ARHGAP21: variants seen among roughly 807,000 people sequenced by gnomAD.
The protein encoded by ARHGAP21 is rho GTPase-activating protein 21.
Under a neutral mutation model 164.6 loss-of-function variants are expected in ARHGAP21, and 38 were observed. The ratio of observed to expected loss-of-function variants is 0.23; its 90% CI spans 0.18 to 0.30. The LOEUF is 0.30. ARHGAP21 is among the 10% of genes least tolerant of loss of function. ARHGAP21 has a pLI of 1.00. For synonymous variants in ARHGAP21, 766 were observed against 857.9 expected (o/e 0.89, Z 1.87); for missense variants, 1,822 against 2,370.7 (o/e 0.77, Z 4.81).
chr10:24,622,023 T>G (rs887844717), intron 8 of ARHGAP21, among the ~76,000 whole-genome samples: 4 of 152,200 alleles, frequency 2.6e-5, no homozygotes, highest in African/African-American at 9.6e-5. Context: ...GTTCTGTATA[T>G]AATTTATATT....
intron 4 of ARHGAP21, among the ~76,000 whole-genome samples, chr10:24,664,006 C>A (rs533924412): frequency 6.6e-6 from 1 of 152,326 alleles, no homozygotes; most frequent in Non-Finnish European, 1.5e-5. Flanking sequence ...CTGAGAAGCG[C>A]TTTAAGCTGA....
At chr10:24,605,705 C>A (rs2076995112) in intron 11 of ARHGAP21, 1 of 152,044 alleles carries the variant, frequency 6.6e-6, no homozygotes, top group South Asian at 2.1e-4. Context: ...TGTGAGTACT[C>A]CCCAAGTTAA....
At chr10:24,701,207 C>T (rs1843641167) in intron 2 of ARHGAP21, among the ~76,000 whole-genome samples, 1 of 152,134 alleles carries the variant, frequency 6.6e-6, no homozygotes, top group Admixed American at 6.5e-5. Context: ...TCTATGCAGC[C>T]TCTCTTTCCC....
At chr10:24,670,502 AT>A (rs1840601595) in intron 2 of ARHGAP21, 105 bp from the exon 3 acceptor site, 2 of 616,100 alleles carry the variant, frequency 3.2e-6, no homozygotes, top group African/African-American at 3.8e-5. Context: ...GATATGAACT[AT>A]TTTCTGATGC....
chr10:24,618,961 G>A (rs963874264), intron 9 of ARHGAP21, among the ~76,000 whole-genome samples: 11 of 152,144 alleles, frequency 7.2e-5, no homozygotes, highest in African/African-American at 2.4e-4. Flanking sequence ...TGTGGCACAC[G>A]CTTATAATTT....
At chr10:24,644,830 T>C (rs1441580993) in intron 4 of ARHGAP21, among the ~76,000 whole-genome samples, 1 of 152,210 alleles carries the variant, frequency 6.6e-6, no homozygotes, top group African/African-American at 2.4e-5. Context: ...TGGTTTCACT[T>C]ACACTTAAGA....
chr10:24,604,248 G>T, intron 12 of ARHGAP21, 64 bp downstream of exon 12: 1 of 1,105,492 alleles, frequency 9.0e-7, no homozygotes, highest in Non-Finnish European at 1.3e-6. Flanking sequence ...ATGTCTACTG[G>T]GTAAAAGAAG....
intron 4 of ARHGAP21, among the ~76,000 whole-genome samples, chr10:24,655,558 C>T (rs1184407646): frequency 1.1e-4 from 17 of 152,108 alleles, no homozygotes; most frequent in South Asian, 2.1e-4. Flanking sequence ...ACGGGCCCCG[C>T]GGGGCCCGAG....
At chr10:24,695,509 C>T (rs1843100950) in intron 2 of ARHGAP21, among the ~76,000 whole-genome samples, 1 of 150,092 alleles carries the variant, frequency 6.7e-6, no homozygotes, top group Non-Finnish European at 1.5e-5. Context: ...GCAGAGGTTG[C>T]AGTAAGCTGA....
chr10:24,668,868 G>A (rs572601549), intron 3 of ARHGAP21, among the ~76,000 whole-genome samples: 2 of 152,164 alleles, frequency 1.3e-5, no homozygotes, highest in South Asian at 4.2e-4. Flanking sequence ...TAAAAAAATT[G>A]TACTACCTAT....
chr10:24,628,961 TATATATATATATATATATATA>T (rs1440071908), intron 7 of ARHGAP21: 1 of 14,116 alleles, frequency 7.1e-5, no homozygotes, highest in Non-Finnish European at 1.4e-4. Flanking sequence ...ACTATATATA[TATATATATATATATATATATA>T]TTTTTTTTTT....
intron 2 of ARHGAP21, among the ~76,000 whole-genome samples, chr10:24,714,552 C>G (rs772546348): frequency 1.3e-5 from 2 of 152,156 alleles, no homozygotes; most frequent in Non-Finnish European, 1.5e-5. Flanking sequence ...TGCCATCATT[C>G]TCAATTCTAA....
intron 3 of ARHGAP21, among the ~76,000 whole-genome samples, chr10:24,667,596 A>G (rs906355366): frequency 6.6e-6 from 1 of 152,220 alleles, no homozygotes; most frequent in African/African-American, 2.4e-5. Flanking sequence ...AAAATTAGAA[A>G]AGAAACCTTT....
chr10:24,639,887 A>G (rs1403761571), intron 4 of ARHGAP21, among the ~76,000 whole-genome samples: 1 of 150,274 alleles, frequency 6.7e-6, no homozygotes, highest in African/African-American at 2.5e-5. Flanking sequence ...AAATTTTTAA[A>G]TATTATTTGA....
At chr10:24,640,181 A>G (rs1836848260) in intron 4 of ARHGAP21, 2 of 151,970 alleles carry the variant, frequency 1.3e-5, no homozygotes, top group African/African-American at 4.8e-5. Context: ...TGGCCATACC[A>G]CCTTAAATGT....
intron 2 of ARHGAP21, among the ~76,000 whole-genome samples, chr10:24,692,117 G>A (rs552449284): frequency 6.6e-6 from 1 of 152,322 alleles, no homozygotes; most frequent in African/African-American, 2.4e-5. Context: ...GATGATGTTG[G>A]TATTGTTGTT....
chr10:24,619,633 CT>C lies in ARHGAP21; in HGVS notation c.2261del (p.Gln754ArgfsTer7). On this transcript the variant is annotated frameshift_variant, in exon 9 of 26. Coordinates refer to ENST00000396432, the MANE Select transcript of ARHGAP21 (RefSeq NM_020824.4). LOFTEE classifies it high-confidence loss of function. ...GGTCATTTACTGCCAAGATGTAAGA[CT>C]GATGCCTTAAAGGCTGCGGTGTCTG... ...GRQTPQPLRH[Q>X]SYILAVNDQE... is the part of the protein sequence containing the mutation. 6.2e-7 allele frequency: 1 copy of C among 1,614,180 alleles called. No individual in the cohort carries two copies.
At chr10:24,642,998 C>A (rs1311111861) in intron 4 of ARHGAP21, among the ~76,000 whole-genome samples, 1 of 152,162 alleles carries the variant, frequency 6.6e-6, no homozygotes, top group Non-Finnish European at 1.5e-5. Flanking sequence ...AATAGTGCTA[C>A]GACTAATCTG....
intron 14 of ARHGAP21, among the ~76,000 whole-genome samples, chr10:24,599,683 G>A (rs2130882680): frequency 6.6e-6 from 1 of 152,246 alleles, no homozygotes; most frequent in Middle Eastern, 3.4e-3. Flanking sequence ...GAAAATACTT[G>A]AGCAACTGCT....
Sources: allele counts gnomAD v4.1 joint callset (sites outside exome capture counted in the v4.1 genomes callset), GRCh38; gene constraint gnomAD v4.1.1; transcripts MANE v1.5; gene names NCBI Gene and HGNC (gene_info 2026-07-23, HGNC 2026-07-21).